Variants in MALRD1 observed in about 807,000 individuals in gnomAD.
The protein encoded by MALRD1 is MAM and LDL-receptor class A domain-containing protein 1.
Under a neutral mutation model 242.1 loss-of-function variants are expected in MALRD1, and 247 were observed. The observed-to-expected ratio is 1.02, with a 90% CI of 0.92 to 1.13. The LOEUF (loss-of-function observed/expected upper bound fraction) is 1.13, where lower values mean the gene tolerates loss of function less well. MALRD1 is among the 50% of genes most tolerant of loss of function. MALRD1 has a pLI of 0.00. For synonymous variants in MALRD1, 995 were observed against 866.6 expected, an observed-to-expected ratio of 1.15 and a Z score of -2.60; for missense variants, 2,989 against 2,533.1, an observed-to-expected ratio of 1.18 and a Z score of -3.86.
chr10:19,161,539 GA>G (rs34437737), intron 12 of MALRD1, among the ~76,000 whole-genome samples: 3,452 of 56,596 alleles, frequency 0.061, 143 homozygotes, highest in East Asian at 0.23. Context: ...TAAAAATAAA[GA>G]AAAAAAAAGC....
intron 31 of MALRD1, among the ~76,000 whole-genome samples, chr10:19,515,543 C>A (rs1229707575): frequency 1.3e-5 from 2 of 151,576 alleles, no homozygotes; most frequent in East Asian, 1.9e-4. Flanking sequence ...CCTCAACTTT[C>A]TCTTTTTTTT....
chr10:19,364,930 G>A (rs1319034450), intron 26 of MALRD1, among the ~76,000 whole-genome samples: 2 of 152,030 alleles, frequency 1.3e-5, no homozygotes, highest in Non-Finnish European at 2.9e-5. Context: ...GAATATTGGG[G>A]ATTAGCATAT....
intron 19 of MALRD1, among the ~76,000 whole-genome samples, chr10:19,264,492 C>T (rs866079478): frequency 2.7e-4 from 38 of 140,548 alleles, no homozygotes; most frequent in South Asian, 8.9e-4. Flanking sequence ...CTTGCTCTGT[C>T]GCCCAGGCTA....
At position 19,362,138 on chromosome 10, in the gene MALRD1, G is replaced by A. The variant is rs150523852; in HGVS notation, c.4441+9841G>A. 9.9e-3 allele frequency among the ~76,000 whole-genome samples: 1,513 copies of A among 152,138 alleles called. 30 individuals are homozygous for A. The highest frequency in any genetic ancestry group is 0.034 in the African/African-American group (1,424 of 41,530). On this transcript the variant is annotated intron_variant, in intron 26 of 39. Transcript: ENST00000454679. ...AATACTCTGAATTTCTGACCAGCCC[G>A]TGAGTCAAGAATTTAAGAGCCAATT...
At chr10:19,680,084 C>G (rs1451490498) in intron 36 of MALRD1, among the ~76,000 whole-genome samples, 1 of 152,068 alleles carries the variant, frequency 6.6e-6, no homozygotes, top group Non-Finnish European at 1.5e-5. Flanking sequence ...AGAGTTAGTA[C>G]CATGTGGTGC....
At chr10:19,424,952 A>G (rs1833851866) in intron 28 of MALRD1, among the ~76,000 whole-genome samples, 1 of 152,186 alleles carries the variant, frequency 6.6e-6, no homozygotes, top group Non-Finnish European at 1.5e-5. Context: ...AAAATAAAAA[A>G]TAAAGGCAAC....
chr10:19,729,721 C>G (rs1045644566), intron 38 of MALRD1, among the ~76,000 whole-genome samples: 1 of 40,642 alleles, frequency 2.5e-5, no homozygotes, highest in South Asian at 1.2e-3. Flanking sequence ...TCTATTAATT[C>G]TTTTTTTTTT....
At chr10:19,334,982 GT>G (rs1458627690) in intron 24 of MALRD1, among the ~76,000 whole-genome samples, 1 of 151,970 alleles carries the variant, frequency 6.6e-6, no homozygotes, top group Admixed American at 6.6e-5. Context: ...AGGCTCTAAA[GT>G]TGTGCGTATT....
intron 36 of MALRD1, among the ~76,000 whole-genome samples, chr10:19,617,199 C>A (rs920612726): frequency 2.0e-5 from 3 of 151,862 alleles, no homozygotes; most frequent in African/African-American, 7.2e-5. Flanking sequence ...GCAACACTCT[C>A]GTAGTCTTAA....
At chr10:19,481,567 C>A (rs932498106) in intron 29 of MALRD1, among the ~76,000 whole-genome samples, 3 of 152,162 alleles carry the variant, frequency 2.0e-5, no homozygotes, top group Non-Finnish European at 2.9e-5. Flanking sequence ...GGTGCATAAT[C>A]TTCCCAAATT....
intron 36 of MALRD1, among the ~76,000 whole-genome samples, chr10:19,624,940 A>G (rs926852791): frequency 6.6e-6 from 1 of 150,882 alleles, no homozygotes; most frequent in Non-Finnish European, 1.5e-5. Context: ...AGTGGCTCAC[A>G]CCTGTAATCC....
intron 31 of MALRD1, among the ~76,000 whole-genome samples, chr10:19,507,475 C>T (rs1242385009): frequency 6.6e-6 from 1 of 151,684 alleles, no homozygotes; most frequent in Non-Finnish European, 1.5e-5. Context: ...TAGAAAATAC[C>T]AAGGGAGTTG....
At chr10:19,463,880 TATTTTTTG>T (rs1345404993) in intron 29 of MALRD1, among the ~76,000 whole-genome samples, 2 of 152,284 alleles carry the variant, frequency 1.3e-5, no homozygotes, top group East Asian at 3.9e-4. Context: ...CAACATCTAT[TATTTTTTG>T]ATTTTTTGAT....
At chr10:19,598,404 T>C (rs1191382983) in intron 34 of MALRD1, 1 of 151,786 alleles carries the variant, frequency 6.6e-6, no homozygotes, top group African/African-American at 2.4e-5. Flanking sequence ...CCATTTGCCA[T>C]TGATTATGTC....
At chr10:19,502,924 G>GATA (rs1300690048) in intron 31 of MALRD1, among the ~76,000 whole-genome samples, 1 of 73,814 alleles carries the variant, frequency 1.4e-5, no homozygotes, top group Non-Finnish European at 2.6e-5. Context: ...AAACATTAAA[G>GATA]ATTATTAAGA....
chr10:19,286,160 C>T (rs982417371), intron 21 of MALRD1, among the ~76,000 whole-genome samples: 20 of 143,114 alleles, frequency 1.4e-4, no homozygotes, highest in South Asian at 2.5e-4. Context: ...TGGGCTGAGA[C>T]GATGGGGTTT....
At chr10:19,512,048 G>T (rs1833424630) in intron 31 of MALRD1, among the ~76,000 whole-genome samples, 1 of 151,904 alleles carries the variant, frequency 6.6e-6, no homozygotes, top group Non-Finnish European at 1.5e-5. Flanking sequence ...AAGACTGAAG[G>T]TTATAAAGTT....
chr10:19,109,783 A>T lies in MALRD1; in HGVS notation c.694+5708A>T, dbSNP rs181913812. On this transcript the variant is annotated intron_variant, in intron 5 of 39. Coordinates refer to ENST00000454679, the MANE Select transcript of MALRD1 (RefSeq NM_001142308.3). ...ATAGCACTTTATAGCAGCAATGTAG[A>T]TATGGGAAGAGAAGGCACAATGTGC... Among the ~76,000 whole-genome samples the T allele has an allele frequency of 3.7e-3, 567 of 152,276 alleles. 2 individuals carry two copies. The highest frequency in any genetic ancestry group is 6.4e-3 in the Non-Finnish European group (434 of 68,010).
chr10:19,057,501 G>A (rs952012626), intron 1 of MALRD1, among the ~76,000 whole-genome samples: 22 of 152,236 alleles, frequency 1.4e-4, no homozygotes, highest in Middle Eastern at 3.4e-3. Context: ...ATCACATTGG[G>A]AATTAGGGTT....
Sources: allele counts gnomAD v4.1 joint callset (sites outside exome capture counted in the v4.1 genomes callset), GRCh38; gene constraint gnomAD v4.1.1; transcripts MANE v1.5; gene names NCBI Gene and HGNC (gene_info 2026-07-23, HGNC 2026-07-21).